The following RANBP2 variants were observed in gnomAD, a reference collection of about 807,000 sequenced individuals.
The protein encoded by RANBP2 is RAN binding protein 2, also known as E3 SUMO-protein ligase RanBP2.
Under a neutral mutation model 303.6 loss-of-function variants are expected in RANBP2, and 57 were observed. The observed-to-expected ratio is 0.19, with a 90% CI of 0.15 to 0.23. The LOEUF is 0.23. Ranked by LOEUF, RANBP2 falls within the 10% of genes least tolerant of loss-of-function variation. RANBP2 has a pLI of 1.00. For missense variants in RANBP2, 3,138 were observed against 3,780.8 expected, an observed-to-expected ratio of 0.83 and a Z score of 4.46; for synonymous variants, 1,167 against 1,301.5, an observed-to-expected ratio of 0.90 and a Z score of 2.23.
the RANBP2 span, chr2:109,613,698 A>C: frequency 1.2e-6 from 1 of 805,954 alleles, no homozygotes; most frequent in Non-Finnish European, 1.6e-6. Flanking sequence ...GGCGCGGGTC[A>C]CAATCCCGGG....
chr2:109,208,690 G>GT, the RANBP2 span, among the ~76,000 whole-genome samples: 63,438 of 152,088 alleles, frequency 0.42, 15,596 homozygotes, highest in East Asian at 0.8. Flanking sequence ...CCAGAATACT[G>GT]TTTTTTCTGT....
the RANBP2 span, among the ~76,000 whole-genome samples, chr2:109,167,043 C>T: frequency 0.011 from 1,726 of 152,264 alleles, 6 homozygotes; most frequent in Non-Finnish European, 0.017. Context: ...ATCGGTGTCC[C>T]GTGGGAATAC....
the RANBP2 span, among the ~76,000 whole-genome samples, chr2:108,965,052 A>T: frequency 6.6e-6 from 1 of 152,050 alleles, no homozygotes; most frequent in Admixed American, 6.5e-5. Flanking sequence ...TATTCCTCCA[A>T]ACATTTTTTA....
At chr2:109,021,379 C>T in the RANBP2 span, among the ~76,000 whole-genome samples, 4 of 152,062 alleles carry the variant, frequency 2.6e-5, no homozygotes, top group East Asian at 3.9e-4. Context: ...AAAAAGTAGC[C>T]GGGCGTGGTG....
chr2:108,788,172 A>C (rs1020611619), downstream of RANBP2: 1 of 1,413,738 alleles, frequency 7.1e-7, no homozygotes, highest in Admixed American at 2.2e-5. Context: ...TAATCCCAGC[A>C]CTTTGGGAGG....
the RANBP2 span, among the ~76,000 whole-genome samples, chr2:108,978,768 G>T: frequency 6.6e-6 from 1 of 152,182 alleles, no homozygotes; most frequent in African/African-American, 2.4e-5. Flanking sequence ...CAGTCTATCG[G>T]TAAGCTGGAG....
intron 26 of RANBP2, among the ~76,000 whole-genome samples, 170 bp downstream of exon 26, chr2:108,781,599 A>G (rs965740443): frequency 6.6e-6 from 1 of 152,226 alleles, no homozygotes; most frequent in Non-Finnish European, 1.5e-5. Context: ...ATCTTTTTAC[A>G]GTTTTTACAT....
At chr2:109,278,852 A>G in the RANBP2 span, among the ~76,000 whole-genome samples, 1 of 152,188 alleles carries the variant, frequency 6.6e-6, no homozygotes, top group African/African-American at 2.4e-5. Flanking sequence ...CCCAGGGTCA[A>G]GTGTGGGGAC....
At chr2:109,125,590 C>T in the RANBP2 span, among the ~76,000 whole-genome samples, 17,571 of 152,208 alleles carry the variant, frequency 0.12, 1,293 homozygotes, top group African/African-American at 0.2. Context: ...TGACCACCCC[C>T]CACCTTAACT....
chr2:109,020,435 T>C, the RANBP2 span, among the ~76,000 whole-genome samples: 2 of 152,206 alleles, frequency 1.3e-5, no homozygotes, highest in African/African-American at 2.4e-5. Context: ...AAGTGATAGC[T>C]AAAGGGATTA....
At chr2:109,432,589 C>T in the RANBP2 span, 2 of 1,613,432 alleles carry the variant, frequency 1.2e-6, no homozygotes, top group Non-Finnish European at 1.7e-6. Flanking sequence ...CGAGAAGTGT[C>T]AGGATGGCTG....
the RANBP2 span, chr2:109,566,001 C>T: frequency 1.4e-6 from 1 of 728,696 alleles, no homozygotes; most frequent in Non-Finnish European, 2.3e-6. Context: ...GATTTTAAAA[C>T]CTGCCAGTGA....
chr2:109,560,923 T>C, the RANBP2 span, among the ~76,000 whole-genome samples: 10 of 152,240 alleles, frequency 6.6e-5, no homozygotes, highest in Non-Finnish European at 1.3e-4. Flanking sequence ...TTTATTTTCA[T>C]TGATCTCACT....
At chr2:108,920,912 G>A in the RANBP2 span, among the ~76,000 whole-genome samples, 2 of 152,266 alleles carry the variant, frequency 1.3e-5, no homozygotes, top group African/African-American at 4.8e-5. Context: ...GAGGACATGA[G>A]GCTCTGGGAG....
chr2:108,818,628 G>T, the RANBP2 span, among the ~76,000 whole-genome samples: 1 of 152,092 alleles, frequency 6.6e-6, no homozygotes, highest in Non-Finnish European at 1.5e-5. Context: ...TCGCAAGCAG[G>T]TATTCACATC....
At chr2:109,046,992 C>T in the RANBP2 span, among the ~76,000 whole-genome samples, 1 of 152,114 alleles carries the variant, frequency 6.6e-6, no homozygotes, top group Non-Finnish European at 1.5e-5. Context: ...CTGGCTGCAC[C>T]CGGCCTGCCC....
the RANBP2 span, among the ~76,000 whole-genome samples, chr2:108,997,219 A>C: frequency 2.0e-5 from 3 of 152,050 alleles, no homozygotes; most frequent in Non-Finnish European, 4.4e-5. Flanking sequence ...AGGTGGGCAA[A>C]TCACGAGGTC....
chr2:108,807,818 A>G, the RANBP2 span, among the ~76,000 whole-genome samples: 7 of 152,098 alleles, frequency 4.6e-5, no homozygotes, highest in African/African-American at 1.7e-4. Context: ...GGGTTTCACC[A>G]TGTTGGCCAG....
chr2:108,774,653 CTTCT>C (rs1037008526), intron 23 of RANBP2, among the ~76,000 whole-genome samples: 2 of 149,970 alleles, frequency 1.3e-5, no homozygotes, highest in Non-Finnish European at 3.0e-5. Context: ...ATTGATTTCT[CTTCT>C]TTATTATTTC....
Sources: gnomAD v4.1 joint callset for allele counts (sites outside exome capture counted in the v4.1 genomes callset) on GRCh38, gnomAD v4.1.1 for gene constraint, MANE v1.5 for transcripts, NCBI Gene and HGNC (gene_info 2026-07-23, HGNC 2026-07-21) for gene names.